Variants in ADORA2B observed in about 807,000 individuals in gnomAD.
The protein encoded by ADORA2B is adenosine receptor A2b.
In ADORA2B, 18 loss-of-function variants were observed where a neutral mutation model predicts 20.8. The observed-to-expected ratio is 0.87, with a 90% confidence interval of 0.60 to 1.29. The LOEUF (loss-of-function observed/expected upper bound fraction) is 1.29, where lower values mean the gene tolerates loss of function less well. ADORA2B is among the 50% of genes most tolerant of loss of function. ADORA2B has a pLI of 0.00. For synonymous variants in ADORA2B, 179 were observed against 178.3 expected, an observed-to-expected ratio of 1.00 and a Z score of -0.03; for missense variants, 441 against 422.7, an observed-to-expected ratio of 1.04 and a Z score of -0.38.
chr17:15,957,038 A>G (rs553436899), intron 1 of ADORA2B, among the ~76,000 whole-genome samples: 153 of 152,330 alleles, frequency 1.0e-3, no homozygotes, highest in South Asian at 5.6e-3. Flanking sequence ...GGACAGCTGA[A>G]GGAAGGAATG....
chr17:15,961,992 C>T (rs1319778138), intron 1 of ADORA2B, among the ~76,000 whole-genome samples: 2 of 152,156 alleles, frequency 1.3e-5, no homozygotes, highest in African/African-American at 4.8e-5. Flanking sequence ...ATCACAGCAA[C>T]CACGGTGATT....
intron 1 of ADORA2B, among the ~76,000 whole-genome samples, chr17:15,963,698 T>C (rs1344727400): frequency 7.2e-5 from 11 of 152,228 alleles, no homozygotes; most frequent in Admixed American, 6.5e-4. Flanking sequence ...CTGGGAGACC[T>C]GGTCCTGGCC....
At chr17:15,954,018 G>A (rs1260132223) in intron 1 of ADORA2B, among the ~76,000 whole-genome samples, 4 of 150,624 alleles carry the variant, frequency 2.7e-5, no homozygotes, top group East Asian at 1.9e-4. Flanking sequence ...TCGCTCTGTC[G>A]CCCAAGCTGG....
intron 1 of ADORA2B, chr17:15,974,365 T>G (rs1970221822): frequency 7.3e-6 from 2 of 273,134 alleles, no homozygotes; most frequent in African/African-American, 2.2e-5. Context: ...AAGTCACAGT[T>G]TGAGAACCCA....
the ADORA2B span, among the ~76,000 whole-genome samples, chr17:15,927,815 A>G: frequency 1.2e-4 from 18 of 152,190 alleles, no homozygotes; most frequent in African/African-American, 2.4e-5. Context: ...TGCTGCTGAC[A>G]TGGAGAAGAC....
In ADORA2B at chr17:15,975,393, G is replaced by C; in HGVS notation, c.*51G>C. 1 of 1,559,828 alleles carries C rather than the reference G, an allele frequency of 6.4e-7. No homozygotes were observed. The highest frequency in any genetic ancestry group is 1.2e-5 in the South Asian group (1 of 84,818). On this transcript the variant is annotated 3_prime_UTR_variant, in exon 2 of 2. Coordinates refer to ENST00000304222, the MANE Select transcript of ADORA2B (RefSeq NM_000676.4). ...AAGATACAAATCCACAAGAAACAAA[G>C]AGGACACGGCTGGTTTTCATTGTGA...
At chr17:15,931,731 T>C in the ADORA2B span, among the ~76,000 whole-genome samples, 2,752 of 151,942 alleles carry the variant, frequency 0.018, 76 homozygotes, top group African/African-American at 0.063. Context: ...TTGGATTATT[T>C]GTCTTTTTCT....
At chr17:15,867,066 C>T in the ADORA2B span, among the ~76,000 whole-genome samples, 9 of 152,364 alleles carry the variant, frequency 5.9e-5, 1 homozygote, top group East Asian at 1.7e-3. Context: ...GGATGGCAGA[C>T]GGAGTCGCGT....
At chr17:15,950,523 C>T (rs1012728598) in intron 1 of ADORA2B, among the ~76,000 whole-genome samples, 11 of 152,302 alleles carry the variant, frequency 7.2e-5, no homozygotes, top group Admixed American at 6.5e-4. Context: ...CACCCATGCG[C>T]CATCCCTCTT....
the ADORA2B span, among the ~76,000 whole-genome samples, chr17:15,852,989 C>G: frequency 9.6e-3 from 1,448 of 151,248 alleles, 23 homozygotes; most frequent in African/African-American, 0.033. Flanking sequence ...GAAAACTAAA[C>G]AGATGTTAAG....
At chr17:15,927,631 G>A in the ADORA2B span, among the ~76,000 whole-genome samples, 1 of 152,208 alleles carries the variant, frequency 6.6e-6, no homozygotes, top group African/African-American at 2.4e-5. Flanking sequence ...TGAGCAACAA[G>A]AGCAAGACTC....
the ADORA2B span, among the ~76,000 whole-genome samples, chr17:15,928,054 C>T: frequency 4.0e-3 from 603 of 152,136 alleles, 3 homozygotes; most frequent in South Asian, 0.01. Context: ...GTGATCCGCC[C>T]GCCTCAGCCT....
At chr17:15,927,978 C>T in the ADORA2B span, among the ~76,000 whole-genome samples, 2 of 152,082 alleles carry the variant, frequency 1.3e-5, no homozygotes, top group Non-Finnish European at 2.9e-5. Flanking sequence ...CCCGCCACCA[C>T]ACCCGGCTAC....
At chr17:15,973,914 C>T (rs895170362) in intron 1 of ADORA2B, 10 of 152,184 alleles carry the variant, frequency 6.6e-5, no homozygotes, top group African/African-American at 1.7e-4. Flanking sequence ...AGAAAAACTT[C>T]GGCTGAATTC....
the ADORA2B span, among the ~76,000 whole-genome samples, chr17:15,905,822 A>C: frequency 4.7e-5 from 7 of 149,624 alleles, no homozygotes; most frequent in Non-Finnish European, 1.0e-4. Flanking sequence ...TGCCCAGCTA[A>C]TTTTTGTATT....
At chr17:15,851,860 T>C in the ADORA2B span, among the ~76,000 whole-genome samples, 1 of 152,310 alleles carries the variant, frequency 6.6e-6, no homozygotes, top group African/African-American at 2.4e-5. Flanking sequence ...AAAAACTTGA[T>C]AGACACATTG....
the ADORA2B span, among the ~76,000 whole-genome samples, chr17:15,891,730 G>A: frequency 3.3e-5 from 5 of 151,970 alleles, no homozygotes; most frequent in African/African-American, 9.7e-5. Context: ...CACCCAGGGT[G>A]GAGTGCAGTG....
intron 1 of ADORA2B, among the ~76,000 whole-genome samples, chr17:15,966,433 T>C (rs1199144348): frequency 6.6e-6 from 1 of 152,172 alleles, no homozygotes; most frequent in East Asian, 1.9e-4. Flanking sequence ...CCTTGATCTA[T>C]ACTAGGAGCA....
chr17:15,941,765 T>G (rs1597840749), upstream of ADORA2B, among the ~76,000 whole-genome samples: 3 of 151,050 alleles, frequency 2.0e-5, no homozygotes, highest in Admixed American at 2.0e-4. Context: ...GCCATGACTC[T>G]CTTCGGATTC....
Sources: allele counts gnomAD v4.1 joint callset (sites outside exome capture counted in the v4.1 genomes callset), GRCh38; gene constraint gnomAD v4.1.1; transcripts MANE v1.5; gene names NCBI Gene and HGNC (gene_info 2026-07-23, HGNC 2026-07-21).